Variants in ULK4 observed in about 807,000 individuals in gnomAD.
ULK4 encodes the protein unc-51 like kinase 4.
A neutral mutation model predicts 160.6 loss-of-function variants in ULK4; 133 were observed. The observed-to-expected ratio is 0.83, with a 90% CI of 0.72 to 0.96. The LOEUF (loss-of-function observed/expected upper bound fraction) is 0.96, where lower values mean the gene tolerates loss of function less well. Among genes scored for constraint, ULK4 ranks in the 40% least tolerant of loss-of-function variants. ULK4 has a pLI of 0.00. For missense variants in ULK4, 1,580 were observed against 1,499.5 expected (o/e 1.05, Z -0.89); for synonymous variants, 534 against 539.8 (o/e 0.99, Z 0.15).
chr3:41,411,863 G>A (rs566752198), intron 34 of ULK4, among the ~76,000 whole-genome samples: 1 of 152,066 alleles, frequency 6.6e-6, no homozygotes, highest in African/African-American at 2.4e-5. Context: ...TTGTGTAGGA[G>A]ACTGAATGCT....
chr3:41,636,673 G>A (rs939279695), intron 30 of ULK4, among the ~76,000 whole-genome samples: 1 of 151,810 alleles, frequency 6.6e-6, no homozygotes, highest in African/African-American at 2.4e-5. Flanking sequence ...AGTTACATAT[G>A]TATACATGTG....
intron 32 of ULK4, among the ~76,000 whole-genome samples, chr3:41,503,735 AC>A (rs1392274186): frequency 1.3e-5 from 2 of 152,246 alleles, no homozygotes; most frequent in African/African-American, 4.8e-5. Context: ...TTTTAAAAAA[AC>A]AAGAAATCTG....
chr3:41,620,388 C>T (rs9865111), intron 30 of ULK4, among the ~76,000 whole-genome samples: 2,443 of 152,122 alleles, frequency 0.016, 69 homozygotes, highest in African/African-American at 0.055. Context: ...GCAAACTGAA[C>T]CCAGCAGCAC....
chr3:41,406,838 A>T (rs1301366728), intron 34 of ULK4, among the ~76,000 whole-genome samples: 2 of 152,352 alleles, frequency 1.3e-5, no homozygotes, highest in East Asian at 1.9e-4. Flanking sequence ...CAAATGCATG[A>T]AGCAATGGTT....
At chr3:41,587,220 C>T (rs1559415065) in intron 31 of ULK4, among the ~76,000 whole-genome samples, 1 of 152,194 alleles carries the variant, frequency 6.6e-6, no homozygotes, top group African/African-American at 2.4e-5. Flanking sequence ...TCCTTGCTCC[C>T]TGGACCCTTC....
chr3:41,564,361 T>C (rs1247023758), intron 32 of ULK4, among the ~76,000 whole-genome samples: 1 of 151,656 alleles, frequency 6.6e-6, no homozygotes, highest in Non-Finnish European at 1.5e-5. Flanking sequence ...GAGGAGGTAG[T>C]CCGTCCGTTC....
chr3:41,714,649 T>C (rs1233645030), intron 25 of ULK4, among the ~76,000 whole-genome samples: 5 of 152,060 alleles, frequency 3.3e-5, no homozygotes, highest in South Asian at 2.1e-4. Context: ...TGAAAGATAA[T>C]GCAATAACTT....
intron 35 of ULK4, among the ~76,000 whole-genome samples, chr3:41,296,908 A>G (rs2079680226): frequency 8.1e-6 from 1 of 122,956 alleles, no homozygotes; most frequent in South Asian, 2.7e-4. Flanking sequence ...GGCAGAAGTG[A>G]CAGATGGCAG....
chr3:41,466,429 C>A (rs1471551400), intron 32 of ULK4, among the ~76,000 whole-genome samples: 1 of 152,066 alleles, frequency 6.6e-6, no homozygotes, highest in Admixed American at 6.5e-5. Context: ...TCCTTTTCAA[C>A]AAAAGGGTAA....
chr3:41,849,564 G>C (rs562539603), intron 17 of ULK4, among the ~76,000 whole-genome samples: 1 of 152,306 alleles, frequency 6.6e-6, no homozygotes, highest in East Asian at 1.9e-4. Flanking sequence ...TACTATAATG[G>C]TAGATAGATG....
intron 32 of ULK4, among the ~76,000 whole-genome samples, chr3:41,491,762 G>A (rs1258846286): frequency 1.4e-5 from 2 of 144,804 alleles, no homozygotes; most frequent in African/African-American, 2.6e-5. Flanking sequence ...TTAAGTTTTA[G>A]GGTACATGTG....
At chr3:41,765,222 A>G (rs113874002) in intron 21 of ULK4, among the ~76,000 whole-genome samples, 18,810 of 152,118 alleles carry the variant, frequency 0.12, 1,328 homozygotes, top group Middle Eastern at 0.26. Context: ...GGAATACTAT[A>G]CAGCCATAAA....
At chr3:41,494,919 T>G (rs1031621010) in intron 32 of ULK4, among the ~76,000 whole-genome samples, 2 of 151,856 alleles carry the variant, frequency 1.3e-5, no homozygotes, top group African/African-American at 2.4e-5. Context: ...CAATGCTCAA[T>G]GAAATAAAAG....
In ULK4 at chr3:41,863,635, G is replaced by T. The variant is rs112161687; in HGVS notation, c.1656+20239C>A. On this transcript the variant is annotated intron_variant, in intron 17 of 36. Coordinates refer to ENST00000301831, the MANE Select transcript of ULK4 (RefSeq NM_017886.4). Reference sequence around the variant, plus strand: ...GGGGTATCACTGCTGGTTATTCAGGGCCCAAAGGCTCTTCGGTTCACAGGT... The same window carrying T: ...GGGGTATCACTGCTGGTTATTCAGGTCCCAAAGGCTCTTCGGTTCACAGGT... 2.4e-3 allele frequency among the ~76,000 whole-genome samples: 363 copies of T among 152,038 alleles called. 1 individual carries two copies. Among genetic ancestry groups the T allele is most frequent in the Middle Eastern group, 3.4e-3 (1 of 294 alleles).
At chr3:41,535,971 C>T (rs987733696) in intron 32 of ULK4, among the ~76,000 whole-genome samples, 1 of 152,202 alleles carries the variant, frequency 6.6e-6, no homozygotes, top group Non-Finnish European at 1.5e-5. Context: ...TATGTCTCTA[C>T]TCATGCTGCA....
chr3:41,561,573 G>T (rs4485691), intron 32 of ULK4, among the ~76,000 whole-genome samples: 136,608 of 152,226 alleles, frequency 0.9, 61,864 homozygotes, highest in Middle Eastern at 0.97. Context: ...CTCAACTTCC[G>T]CCTGGTTTAG....
At chr3:41,280,581 G>A (rs2079332069) in intron 35 of ULK4, among the ~76,000 whole-genome samples, 1 of 152,124 alleles carries the variant, frequency 6.6e-6, no homozygotes, top group African/African-American at 2.4e-5. Context: ...CGAAATGAAG[G>A]CAGAAATAAA....
intron 32 of ULK4, among the ~76,000 whole-genome samples, chr3:41,556,766 C>A (rs891099794): frequency 3.9e-5 from 6 of 152,018 alleles, no homozygotes; most frequent in Non-Finnish European, 8.8e-5. Context: ...GGATTACAGG[C>A]ATGACCCACT....
intron 18 of ULK4, among the ~76,000 whole-genome samples, chr3:41,827,834 G>A (rs1323573632): frequency 6.6e-6 from 1 of 151,966 alleles, no homozygotes; most frequent in Non-Finnish European, 1.5e-5. Context: ...AAGCCTGGCA[G>A]AGACACAACC....
Sources: gnomAD v4.1 joint callset for allele counts (sites outside exome capture counted in the v4.1 genomes callset) on GRCh38, gnomAD v4.1.1 for gene constraint, MANE v1.5 for transcripts, NCBI Gene and HGNC (gene_info 2026-07-23, HGNC 2026-07-21) for gene names.